Variants in NME4 observed in about 807,000 individuals in gnomAD.
NME4 encodes the protein nucleoside diphosphate kinase D, mitochondrial.
NME4 carries 21 observed loss-of-function variants against 16.4 expected under a neutral mutation model. The observed-to-expected ratio is 1.28, with a 90% CI of 0.91 to 1.84. NME4 has a LOEUF of 1.84. NME4 is among the 40% of genes most tolerant of loss of function. The pLI is 0.00. For missense variants in NME4, 316 were observed against 261.3 expected, an observed-to-expected ratio of 1.21 and a Z score of -1.44; for synonymous variants, 132 against 107.5, an observed-to-expected ratio of 1.23 and a Z score of -1.41.
At chr16:398,589 G>C in intron 1 of NME4, 2 of 412,188 alleles carry the variant, frequency 4.9e-6, no homozygotes, top group Non-Finnish European at 8.6e-6. Context: ...GTGCCTCTGT[G>C]GACCTCAGGG....
rs186250206 is a variant in NME4, at chr16:400,394, G to A, written c.*52G>A. The A allele has an allele frequency of 1.1e-5, 18 of 1,568,714 alleles. No individual in the cohort carries two copies. In the Admixed American group the frequency reaches 1.6e-4, roughly 14 times the overall value. On this transcript the variant is annotated 3_prime_UTR_variant, in exon 5 of 5. Coordinates refer to ENST00000219479, the MANE Select transcript of NME4 (RefSeq NM_005009.3). ...CCCCCACGCAGGACCAACTACCTCCGTCAGCAAGAACCCAAGCCCACATCC... is the reference window on the plus strand; with the variant it reads ...CCCCCACGCAGGACCAACTACCTCCATCAGCAAGAACCCAAGCCCACATCC...
intron 1 of NME4, chr16:397,756 C>T: frequency 7.7e-7 from 1 of 1,296,684 alleles, no homozygotes; most frequent in Non-Finnish European, 9.9e-7. Flanking sequence ...AGCCGCTCCG[C>T]TGGGGCGTTC....
At chr16:399,517 T>C in intron 3 of NME4, 37 bp downstream of exon 3, 1 of 1,600,466 alleles carries the variant, frequency 6.2e-7, no homozygotes, top group Non-Finnish European at 8.5e-7. Flanking sequence ...GGCCTGTGGG[T>C]AAAGGGCGTG....
At chr16:399,872 T>TG in intron 4 of NME4, 133 bp downstream of exon 4, 1 of 724,698 alleles carries the variant, frequency 1.4e-6, no homozygotes, top group Non-Finnish European at 2.4e-6. Flanking sequence ...CAGCTCACAC[T>TG]GGTGAGAGCC....
In NME4 at chr16:399,781, G is replaced by T. The variant is rs374386148; in HGVS notation, c.440+42G>T. 5.9e-6 allele frequency: 9 copies of T among 1,533,130 alleles called. No homozygotes were observed. In the African/African-American group the frequency reaches 1.1e-4, roughly 19 times the overall value. The allele number at this position is 1,533,130 out of a possible 1,614,324, so 95.0% of individuals were successfully genotyped here. A position where few individuals can be genotyped will look rare whatever the true frequency, so the allele number is the denominator to read the frequency against. ...ACACCAGGCTGCTGCTGGGGGCAAG[G>T]AGGGCCATCACTTGGGGTGGTGGCA... On this transcript the variant is annotated intron_variant, in intron 4 of 4. Coordinates refer to ENST00000219479, the MANE Select transcript of NME4 (RefSeq NM_005009.3).
rs2054642955 is a variant in NME4, at chr16:400,635, C to A, written c.*293C>A. On this transcript the variant is annotated 3_prime_UTR_variant, in exon 5 of 5. Coordinates refer to ENST00000219479, the MANE Select transcript of NME4 (RefSeq NM_005009.3). ...CCTCTAAAGGGGAGGCATTAAAATTCACTGTGCCCAGCACATGGGTGGTAC... is the reference window on the plus strand; with the variant it reads ...CCTCTAAAGGGGAGGCATTAAAATTAACTGTGCCCAGCACATGGGTGGTAC... 1.1e-5 allele frequency: 4 copies of A among 377,528 alleles called. No homozygotes were observed. The highest frequency in any genetic ancestry group is 1.9e-5 in the Non-Finnish European group (4 of 209,554). The allele number at this position is 377,528 out of a possible 1,614,324, so 23.4% of individuals were successfully genotyped here. A position where few individuals can be genotyped will look rare whatever the true frequency, so the allele number is the denominator to read the frequency against.
At chr16:398,187 C>T (rs761462271) in intron 1 of NME4, 3 of 1,498,230 alleles carry the variant, frequency 2.0e-6, no homozygotes, top group African/African-American at 1.4e-5. Context: ...AAGGTGAGGA[C>T]GTCTTCTGTT....
intron 1 of NME4, chr16:397,890 T>A: frequency 6.4e-7 from 1 of 1,554,078 alleles, no homozygotes. Context: ...GCTCCCTCCA[T>A]CGGCTCTGAA....
At position 397,218 on chromosome 16, in the gene NME4, G is replaced by C. The variant is rs2054559563; in HGVS notation, c.-5G>C. 9.8e-7 allele frequency: 1 copy of C among 1,017,270 alleles called. No homozygotes were observed. Among genetic ancestry groups the C allele is most frequent in the Non-Finnish European group, 1.2e-6 (1 of 852,372 alleles). 63.0% of individuals were successfully genotyped at this position (1,017,270 alleles called of 1,614,324 possible). The stretch of plus-strand genomic sequence containing the variant: ...GCGCTCACAGCGGCCCGCGGGCCGG[G>C]CGTCATGGGCGGCCTCTTCTGGCGC... On this transcript the variant is annotated 5_prime_UTR_variant, in exon 1 of 5. Coordinates refer to ENST00000219479, the MANE Select transcript of NME4 (RefSeq NM_005009.3).
chr16:398,824 T>A, intron 1 of NME4, 166 bp from the exon 2 acceptor site: 1 of 864,890 alleles, frequency 1.2e-6, no homozygotes, highest in Non-Finnish European at 1.8e-6. Context: ...GGGACTATCA[T>A]GGGGGTGTTT....
intron 1 of NME4, chr16:398,270 C>T: frequency 7.2e-7 from 1 of 1,383,404 alleles, no homozygotes; most frequent in Non-Finnish European, 9.6e-7. Flanking sequence ...CTGGAAGCGA[C>T]AGGCCTTGAA....
rs2054641083 is a variant in NME4 at position 400,555 on chromosome 16, A to G, written c.*213A>G. 2 of 518,262 alleles carry G rather than the reference A, an allele frequency of 3.9e-6. No homozygotes were observed. Among genetic ancestry groups the G allele is most frequent in the Non-Finnish European group, 6.6e-6 (2 of 302,804 alleles). The allele number at this position is 518,262 out of a possible 1,614,324, so 32.1% of individuals were successfully genotyped here. ...AGATTGGACCAATCCTTTTTGCACC[A>G]AAGTGCCGGACAACCTTTGTGGTGG... On this transcript the variant is annotated 3_prime_UTR_variant, in exon 5 of 5. Transcript: ENST00000219479.
At chr16:397,370 G>A (rs1306638654) in intron 1 of NME4, 57 bp downstream of exon 1, 2 of 696,248 alleles carry the variant, frequency 2.9e-6, no homozygotes, top group Non-Finnish European at 1.8e-6. Flanking sequence ...GGCGCGCGCC[G>A]CTCGGCCTTT....
At chr16:399,591 TC>T (rs774000877) in intron 3 of NME4, 35 bp from the exon 4 acceptor site, 1 of 1,604,064 alleles carries the variant, frequency 6.2e-7, no homozygotes. Context: ...CCCTTGGTGT[TC>T]CCCACTTCTC....
intron 1 of NME4, 175 bp from the exon 2 acceptor site, chr16:398,815 G>A (rs1360471065): frequency 2.5e-6 from 2 of 811,908 alleles, no homozygotes; most frequent in Non-Finnish European, 3.8e-6. Context: ...TCCCTGACAG[G>A]GACTATCATG....
At chr16:398,397 G>A (rs1412256249) in intron 1 of NME4, 4 of 1,236,480 alleles carry the variant, frequency 3.2e-6, no homozygotes, top group South Asian at 1.4e-5. Context: ...TGGGGAAAGT[G>A]TGTTTCTCCC....
chr16:400,449 C>T lies in NME4; in HGVS notation c.*107C>T. 1.4e-6 allele frequency: 2 copies of T among 1,405,108 alleles called. No individual in the cohort carries two copies. The highest frequency in any genetic ancestry group is 2.4e-5 in the East Asian group (1 of 42,416). The allele number at this position is 1,405,108 out of a possible 1,614,324, so 87.0% of individuals were successfully genotyped here. Reference sequence around the variant, plus strand: ...CTGCCTGTCCCAAACCACTTACTTCCCTGTTCACCTCTGCCCCACCCCAGC... The same window carrying T: ...CTGCCTGTCCCAAACCACTTACTTCTCTGTTCACCTCTGCCCCACCCCAGC... On this transcript the variant is annotated 3_prime_UTR_variant, in exon 5 of 5. Coordinates refer to ENST00000219479, the MANE Select transcript of NME4 (RefSeq NM_005009.3).
In NME4 at chr16:400,293, T is replaced by G; in HGVS notation, c.515T>G (p.Leu172Arg). The change falls in exon 5 of 5, where the codon CTG (leucine) becomes CGG (arginine). Residue 172 changes from leucine to arginine, a missense_variant. Physicochemically the swap from Leu to Arg is moderately radical, Grantham distance 102. Coordinates refer to ENST00000219479, the MANE Select transcript of NME4 (RefSeq NM_005009.3). ...EIQLWFQSSE[L>R]VSWADGGQHS... is the part of the protein sequence containing the mutation. ...CAGCTGTGGTTCCAGAGCAGTGAGC[T>G]GGTGAGCTGGGCAGACGGGGGCCAG... 2 of 1,606,938 alleles carry G rather than the reference T, an allele frequency of 1.2e-6. No individual in the cohort carries two copies. The highest frequency in any genetic ancestry group is 1.7e-6 in the Non-Finnish European group (2 of 1,177,080).
At chr16:399,764 C>T in intron 4 of NME4, 25 bp downstream of exon 4, 2 of 1,586,028 alleles carry the variant, frequency 1.3e-6, no homozygotes, top group South Asian at 1.1e-5. Context: ...ATACACCAGG[C>T]TGCTGCTGGG....
Sources: gnomAD v4.1 joint callset for allele counts on GRCh38, gnomAD v4.1.1 for gene constraint, MANE v1.5 for transcripts, NCBI Gene and HGNC (gene_info 2026-07-23, HGNC 2026-07-21) for gene names.